BABAM2: variants seen among roughly 807,000 people sequenced by gnomAD.
The protein encoded by BABAM2 is BRISC and BRCA1-A complex member 2.
BABAM2 carries 31 observed loss-of-function variants against 54.7 expected under a neutral mutation model. The ratio of observed to expected loss-of-function variants is 0.57; its 90% confidence interval spans 0.43 to 0.77. The LOEUF is 0.77. Ranked by LOEUF, BABAM2 falls within the 30% of genes least tolerant of loss-of-function variation. The pLI, the probability that BABAM2 is intolerant of heterozygous loss-of-function variation, is 0.00. For synonymous variants in BABAM2, 167 were observed against 162.9 expected, an observed-to-expected ratio of 1.03 and a Z score of -0.19; for missense variants, 364 against 455.8, an observed-to-expected ratio of 0.80 and a Z score of 1.83.
At chr2:27,940,947 C>A (rs960023787) in intron 3 of BABAM2, among the ~76,000 whole-genome samples, 3 of 152,258 alleles carry the variant, frequency 2.0e-5, no homozygotes, top group South Asian at 2.1e-4. Context: ...CCCCCGACTT[C>A]TGTTTCTCCC....
intron 6 of BABAM2, among the ~76,000 whole-genome samples, chr2:28,073,832 G>C (rs377707314): frequency 1.3e-5 from 2 of 152,014 alleles, no homozygotes; most frequent in South Asian, 2.1e-4. Flanking sequence ...TTTGGGGAGT[G>C]GGGGAGGTAC....
intron 3 of BABAM2, among the ~76,000 whole-genome samples, chr2:27,931,273 A>G (rs970928359): frequency 6.6e-6 from 1 of 152,186 alleles, no homozygotes; most frequent in African/African-American, 2.4e-5. Context: ...TAAATAATTC[A>G]TGTGGTTAAA....
intron 6 of BABAM2, among the ~76,000 whole-genome samples, chr2:28,091,573 A>T (rs1452830083): frequency 2.0e-5 from 3 of 152,248 alleles, no homozygotes; most frequent in African/African-American, 7.2e-5. Context: ...TGCATCTGAA[A>T]TGAATATCAA....
At chr2:28,025,499 C>G (rs1471874396) in intron 5 of BABAM2, 79 bp downstream of exon 5, 2 of 1,325,414 alleles carry the variant, frequency 1.5e-6, no homozygotes, top group African/African-American at 3.0e-5. Flanking sequence ...TTTGTAAATC[C>G]TAGTCATTTC....
chr2:28,300,732 T>C (rs1386716508), intron 11 of BABAM2, among the ~76,000 whole-genome samples: 2 of 152,206 alleles, frequency 1.3e-5, no homozygotes, highest in Non-Finnish European at 2.9e-5. Context: ...GATTTCAGTA[T>C]AGGAATATCG....
chr2:28,123,920 C>A (rs1278771233), intron 6 of BABAM2, among the ~76,000 whole-genome samples: 1 of 152,166 alleles, frequency 6.6e-6, no homozygotes. Flanking sequence ...AGGATTGTCT[C>A]TAAGCATTTC....
Position 28,159,108 on chromosome 2 carries a change from CTGTT to C in BABAM2, c.680+29734_680+29737del, listed in dbSNP as rs1048385816. Among the ~76,000 whole-genome samples, 27 of 152,298 alleles carry C rather than the reference CTGTT, an allele frequency of 1.8e-4. 1 individual carries two copies. Among genetic ancestry groups the C allele is most frequent in the African/African-American group, 6.5e-4 (27 of 41,554 alleles). ...TCACTTATTTCAATTTCAGGAGTTT[CTGTT>C]TGTTTCTAAAGAACTAGTGTAATAT... On this transcript the variant is annotated intron_variant, in intron 7 of 11. Coordinates refer to ENST00000379624, the MANE Select transcript of BABAM2 (RefSeq NM_199191.3).
chr2:27,910,565 C>G (rs1666509079), intron 2 of BABAM2, among the ~76,000 whole-genome samples: 3 of 152,074 alleles, frequency 2.0e-5, no homozygotes, highest in African/African-American at 7.2e-5. Flanking sequence ...CTTTGTGCTC[C>G]CATCTAGTCA....
At chr2:28,215,808 C>G (rs997766699) in intron 7 of BABAM2, among the ~76,000 whole-genome samples, 1 of 152,112 alleles carries the variant, frequency 6.6e-6, no homozygotes, top group African/African-American at 2.4e-5. Flanking sequence ...TTCCTTTCTC[C>G]CTCATTTTAC....
chr2:28,052,231 A>G (rs777509981), intron 6 of BABAM2, among the ~76,000 whole-genome samples: 5 of 152,030 alleles, frequency 3.3e-5, no homozygotes, highest in Non-Finnish European at 5.9e-5. Flanking sequence ...TTAAGAAGAA[A>G]CAACTGAAAT....
At chr2:27,930,234 C>T (rs17758146) in intron 3 of BABAM2, 38,838 of 199,244 alleles carry the variant, frequency 0.19, 4,888 homozygotes, top group Non-Finnish European at 0.27. Flanking sequence ...CTGGCCATTT[C>T]GAAACAGTTT....
At chr2:28,195,165 G>A (rs561799548) in intron 7 of BABAM2, among the ~76,000 whole-genome samples, 9 of 152,032 alleles carry the variant, frequency 5.9e-5, no homozygotes, top group African/African-American at 1.7e-4. Flanking sequence ...GTGCTACATT[G>A]GCATTGGGGG....
In BABAM2 at chr2:28,155,634, A is replaced by G. The variant is rs148692246; in HGVS notation, c.680+26254A>G. Reference sequence around the variant, plus strand: ...TTCAAAACAGCTCAGTTCTATAACTATTTATTGGGAATCTAAAAACAAATA... The same window carrying G: ...TTCAAAACAGCTCAGTTCTATAACTGTTTATTGGGAATCTAAAAACAAATA... On this transcript the variant is annotated intron_variant, in intron 7 of 11. Coordinates refer to ENST00000379624, the MANE Select transcript of BABAM2 (RefSeq NM_199191.3). 7.2e-3 allele frequency among the ~76,000 whole-genome samples: 1,098 copies of G among 152,338 alleles called. 5 individuals carry two copies. Among genetic ancestry groups the G allele is most frequent in the Non-Finnish European group, 9.1e-3 (619 of 68,030 alleles).
intron 7 of BABAM2, among the ~76,000 whole-genome samples, chr2:28,183,356 G>T (rs568216360): frequency 1.3e-5 from 2 of 152,254 alleles, no homozygotes; most frequent in East Asian, 3.9e-4. Context: ...CAGGAGAATT[G>T]CTTGAACCTG....
chr2:28,101,373 A>G (rs879797472), intron 6 of BABAM2, among the ~76,000 whole-genome samples: 1 of 152,154 alleles, frequency 6.6e-6, no homozygotes, highest in Non-Finnish European at 1.5e-5. Context: ...TGGTTTTACC[A>G]TATTTGGTGT....
rs1186546891 is a variant in BABAM2, at chr2:28,304,601, G to T, written c.1088+6110G>T. 6.6e-6 allele frequency among the ~76,000 whole-genome samples: 1 copy of T among 151,128 alleles called. No homozygotes were observed. The highest frequency in any genetic ancestry group is 2.4e-5 in the African/African-American group (1 of 41,060). On this transcript the variant is annotated intron_variant, in intron 11 of 11. Coordinates refer to ENST00000379624, the MANE Select transcript of BABAM2 (RefSeq NM_199191.3). The surrounding 1 kb of genome is among the most constrained non-coding windows in gnomAD (Gnocchi z 4.0). ...TTCTTTTTTCTTTTTTTTGGAGATG[G>T]AGTCTCACTCTGTCACCCAGGCTGG... is the stretch of plus-strand genomic sequence containing the variant.
chr2:28,305,480 T>C (rs1232974887), intron 11 of BABAM2, among the ~76,000 whole-genome samples: 1 of 152,212 alleles, frequency 6.6e-6, no homozygotes, highest in Non-Finnish European at 1.5e-5. Flanking sequence ...ATGAATGATA[T>C]TGGTCTAAAA....
intron 4 of BABAM2, among the ~76,000 whole-genome samples, chr2:28,006,822 A>G (rs1674011774): frequency 1.3e-5 from 2 of 152,164 alleles, no homozygotes; most frequent in Non-Finnish European, 2.9e-5. Flanking sequence ...TGTATACGAT[A>G]TATTTAATGT....
At chr2:28,104,493 C>T (rs62140428) in intron 6 of BABAM2, among the ~76,000 whole-genome samples, 1 of 152,144 alleles carries the variant, frequency 6.6e-6, no homozygotes, top group South Asian at 2.1e-4. Context: ...AATGAGATAC[C>T]ATCTCACGCC....
Sources: gnomAD v4.1 joint callset for allele counts (sites outside exome capture counted in the v4.1 genomes callset) on GRCh38, gnomAD v4.1.1 for gene constraint, Gnocchi (gnomAD v3.1) non-coding constraint, MANE v1.5 for transcripts, NCBI Gene and HGNC (gene_info 2026-07-23, HGNC 2026-07-21) for gene names.